CSMD1: variants seen among roughly 807,000 people sequenced by gnomAD.
The protein encoded by CSMD1 is CUB and Sushi multiple domains 1.
Under a neutral mutation model 417.5 loss-of-function variants are expected in CSMD1, and 213 were observed. That is an observed-to-expected ratio of 0.51 (90% CI 0.46 to 0.57). The LOEUF (loss-of-function observed/expected upper bound fraction) is 0.57, where lower values mean the gene tolerates loss of function less well. Among genes scored for constraint, CSMD1 ranks in the 20% least tolerant of loss-of-function variants. The pLI, the probability that CSMD1 is intolerant of heterozygous loss-of-function variation, is 0.00. For missense variants in CSMD1, 6,923 were observed against 4,529.7 expected, an observed-to-expected ratio of 1.53 and a Z score of -15.17; for synonymous variants, 2,862 against 1,736.8, an observed-to-expected ratio of 1.65 and a Z score of -16.11.
intron 3 of CSMD1, among the ~76,000 whole-genome samples, chr8:4,129,979 T>G (rs1384516277): frequency 6.6e-6 from 1 of 152,164 alleles, no homozygotes; most frequent in East Asian, 1.9e-4. Flanking sequence ...CCCAGTTGCT[T>G]TACCCTATGT....
At chr8:3,889,898 C>A (rs566247111) in intron 5 of CSMD1, among the ~76,000 whole-genome samples, 1 of 152,058 alleles carries the variant, frequency 6.6e-6, no homozygotes, top group Non-Finnish European at 1.5e-5. Flanking sequence ...AAATTACTTT[C>A]TGAGTTGCGC....
At chr8:4,880,915 T>A (rs1236338411) in intron 1 of CSMD1, among the ~76,000 whole-genome samples, 1 of 152,102 alleles carries the variant, frequency 6.6e-6, no homozygotes, top group Non-Finnish European at 1.5e-5. Flanking sequence ...ACATTCCTTA[T>A]TTACTATCTT....
At chr8:4,652,251 G>A (rs1256208082) in intron 1 of CSMD1, among the ~76,000 whole-genome samples, 1 of 152,156 alleles carries the variant, frequency 6.6e-6, no homozygotes, top group Non-Finnish European at 1.5e-5. Context: ...AATGATGTCA[G>A]AATAGAAATC....
At chr8:3,283,282 A>G (rs767503138) in intron 26 of CSMD1, among the ~76,000 whole-genome samples, 1 of 152,160 alleles carries the variant, frequency 6.6e-6, no homozygotes, top group Non-Finnish European at 1.5e-5. Flanking sequence ...ACTTCATTAC[A>G]TAAAGAAAGT....
At chr8:4,044,765 G>A (rs142874002) in intron 3 of CSMD1, among the ~76,000 whole-genome samples, 11 of 20,744 alleles carry the variant, frequency 5.3e-4, no homozygotes, top group Admixed American at 1.1e-3. Context: ...TGGCCACATA[G>A]CACCCTAGCC....
At chr8:3,725,530 G>T (rs917811562) in intron 6 of CSMD1, among the ~76,000 whole-genome samples, 4 of 152,146 alleles carry the variant, frequency 2.6e-5, no homozygotes, top group African/African-American at 9.7e-5. Flanking sequence ...GTGTATGTGG[G>T]TTTGTGTCCC....
chr8:3,075,592 T>C (rs1183431704), intron 49 of CSMD1, among the ~76,000 whole-genome samples: 2 of 152,106 alleles, frequency 1.3e-5, no homozygotes, highest in Non-Finnish European at 2.9e-5. Context: ...GCCTCATGTA[T>C]TTCTTTACAG....
chr8:3,096,934 A>G lies in CSMD1; in HGVS notation c.7053T>C (p.Ile2351=). 6.4e-7 allele frequency: 1 copy of G among 1,556,290 alleles called. No homozygotes were observed. The highest frequency in any genetic ancestry group is 8.7e-7 in the Non-Finnish European group (1 of 1,148,748). The change falls in exon 47 of 70, where the codon ATT becomes ATC. Residue 2351 remains isoleucine, a synonymous_variant. Transcript: ENST00000635120. The part of the protein sequence containing the change: ...YFNSQTCSWS[I]KVEPNYNITI... ...TAATGTTGTAGTTTGGTTCCACTTT[A>G]ATACTCCAAGAGCAAGTCTGGGAGT...
chr8:4,918,821 G>C (rs1188583245), intron 1 of CSMD1, among the ~76,000 whole-genome samples: 5 of 151,994 alleles, frequency 3.3e-5, no homozygotes, highest in African/African-American at 1.2e-4. Context: ...ATGTATGTTT[G>C]TACATATATG....
intron 10 of CSMD1, among the ~76,000 whole-genome samples, chr8:3,550,294 C>G (rs1217975075): frequency 1.3e-5 from 2 of 152,130 alleles, no homozygotes; most frequent in Non-Finnish European, 2.9e-5. Context: ...CCTGTTTTCT[C>G]CAATAATTCC....
At chr8:3,570,559 G>C (rs1799901455) in intron 10 of CSMD1, among the ~76,000 whole-genome samples, 1 of 36,176 alleles carries the variant, frequency 2.8e-5, no homozygotes, top group Non-Finnish European at 7.0e-5. Context: ...CTCCGCTCTA[G>C]AGAGGGGGCA....
intron 51 of CSMD1, among the ~76,000 whole-genome samples, chr8:3,024,585 G>A (rs552174872): frequency 2.6e-5 from 4 of 152,178 alleles, no homozygotes; most frequent in African/African-American, 9.7e-5. Flanking sequence ...GTGATTATAG[G>A]CATGAGCCAC....
intron 3 of CSMD1, among the ~76,000 whole-genome samples, chr8:4,137,100 G>C (rs75267770): frequency 0.029 from 4,417 of 152,200 alleles, 219 homozygotes; most frequent in African/African-American, 0.099. Context: ...CTTATTTTGG[G>C]AGAATTTTCA....
intron 2 of CSMD1, among the ~76,000 whole-genome samples, chr8:4,526,677 A>C (rs760928746): frequency 8.5e-5 from 13 of 152,236 alleles, no homozygotes; most frequent in South Asian, 2.1e-4. Flanking sequence ...TAGAAGTATT[A>C]GAAAACCAGA....
At chr8:4,183,201 G>A (rs745392135) in intron 3 of CSMD1, among the ~76,000 whole-genome samples, 1 of 152,182 alleles carries the variant, frequency 6.6e-6, no homozygotes, top group Middle Eastern at 3.4e-3. Context: ...GGGAAAAAAT[G>A]GGTATACAGA....
At chr8:3,985,477 T>C (rs2554728) in intron 5 of CSMD1, among the ~76,000 whole-genome samples, 40,316 of 152,000 alleles carry the variant, frequency 0.27, 5,432 homozygotes, top group Non-Finnish European at 0.29. Flanking sequence ...TAGAACATAA[T>C]TGCTGCTCAG....
At chr8:4,813,222 C>A (rs1051144081) in intron 1 of CSMD1, among the ~76,000 whole-genome samples, 1 of 152,026 alleles carries the variant, frequency 6.6e-6, no homozygotes, top group Non-Finnish European at 1.5e-5. Flanking sequence ...ATTCAAGGAG[C>A]AAATGTGCTT....
intron 46 of CSMD1, among the ~76,000 whole-genome samples, chr8:3,104,617 G>A (rs1815996677): frequency 6.6e-6 from 1 of 151,862 alleles, no homozygotes; most frequent in African/African-American, 2.4e-5. Context: ...TTCTTCAGAT[G>A]TAGAAGACTG....
chr8:2,996,566 A>C (rs565028523), intron 54 of CSMD1, among the ~76,000 whole-genome samples: 122 of 152,352 alleles, frequency 8.0e-4, no homozygotes, highest in African/African-American at 2.8e-3. Context: ...TGCGGCCTCC[A>C]CAAAGAGTCA....
Sources: gnomAD v4.1 joint callset for allele counts (sites outside exome capture counted in the v4.1 genomes callset) on GRCh38, gnomAD v4.1.1 for gene constraint, MANE v1.5 for transcripts, NCBI Gene and HGNC (gene_info 2026-07-23, HGNC 2026-07-21) for gene names.